The following ZCCHC2 variants were observed in gnomAD, a reference collection of about 807,000 sequenced individuals.
ZCCHC2 encodes the protein zinc finger CCHC domain-containing protein 2.
ZCCHC2 carries 39 observed loss-of-function variants against 103.6 expected under a neutral mutation model. The ratio of observed to expected loss-of-function variants is 0.38; its 90% CI spans 0.29 to 0.49. The LOEUF (loss-of-function observed/expected upper bound fraction) is 0.49, where lower values mean the gene tolerates loss of function less well. Among genes scored for constraint, ZCCHC2 ranks in the 20% least tolerant of loss-of-function variants. The pLI, the probability that ZCCHC2 is intolerant of heterozygous loss-of-function variation, is 0.96. For synonymous variants in ZCCHC2, 687 were observed against 608.9 expected (o/e 1.13, Z -1.89); for missense variants, 1,483 against 1,491.0 (o/e 0.99, Z 0.09).
chr18:62,565,854 A>T (rs1916341353), intron 11 of ZCCHC2, among the ~76,000 whole-genome samples: 1 of 152,206 alleles, frequency 6.6e-6, no homozygotes, highest in African/African-American at 2.4e-5. Flanking sequence ...AATAACCAGA[A>T]TCTATTTCTT....
intron 1 of ZCCHC2, among the ~76,000 whole-genome samples, chr18:62,531,791 TAAAA>T (rs11315078): frequency 3.5e-5 from 4 of 113,468 alleles, no homozygotes; most frequent in East Asian, 2.5e-4. Flanking sequence ...CTACAAAAAG[TAAAA>T]AAAAAAAAAA....
rs1171352779 is a variant in ZCCHC2, at chr18:62,523,301, G to T, written c.-124G>T. ...CGGCCGAGACCCGCCCCCGGCCCCG[G>T]CCCTCCCCCGGCGGCATGGAGGGGC... On this transcript the variant is annotated 5_prime_UTR_variant, in exon 1 of 14. Transcript: ENST00000269499. 1 of 910,066 alleles carries T rather than the reference G, an allele frequency of 1.1e-6. No individual in the cohort carries two copies. Among genetic ancestry groups the T allele is most frequent in the Non-Finnish European group, 1.3e-6 (1 of 762,984 alleles). 56.4% of individuals were successfully genotyped at this position (910,066 alleles called of 1,614,324 possible).
chr18:62,553,785 T>G (rs1915767418), intron 5 of ZCCHC2, among the ~76,000 whole-genome samples: 2 of 152,362 alleles, frequency 1.3e-5, no homozygotes, highest in East Asian at 1.9e-4. Context: ...AGTTTGTGTT[T>G]GAGTAGGCTT....
chr18:62,536,098 C>G (rs1393481077), intron 1 of ZCCHC2, among the ~76,000 whole-genome samples: 2 of 152,176 alleles, frequency 1.3e-5, no homozygotes, highest in Non-Finnish European at 2.9e-5. Flanking sequence ...GGATGTCCAG[C>G]TACTTGGCTG....
intron 2 of ZCCHC2, among the ~76,000 whole-genome samples, chr18:62,541,011 A>G (rs1915149011): frequency 6.6e-6 from 1 of 152,084 alleles, no homozygotes; most frequent in African/African-American, 2.4e-5. Context: ...AAGATCCCCT[A>G]CCCTTGAGGG....
intron 12 of ZCCHC2, 48 bp from the exon 13 acceptor site, chr18:62,573,992 TATTTCTAGCAAGAAAGA>T: frequency 6.1e-6 from 9 of 1,485,672 alleles, no homozygotes; most frequent in Non-Finnish European, 8.2e-6. Context: ...ACTCAATGTT[TATTTCTAGCAAGAAAGA>T]TGGGAGTTAT....
At chr18:62,531,144 T>C (rs975223484) in intron 1 of ZCCHC2, among the ~76,000 whole-genome samples, 2 of 152,224 alleles carry the variant, frequency 1.3e-5, no homozygotes, top group South Asian at 2.1e-4. Flanking sequence ...TTTTTCGTTA[T>C]GGAGGACTGT....
At position 62,523,534 on chromosome 18, in the gene ZCCHC2, GCCGCCGCGACTGCCGCCCC is replaced by G. The variant is rs1164099176; in HGVS notation, c.118_136del (p.Asp40ArgfsTer235). 3.2e-6 allele frequency: 3 copies of G among 949,630 alleles called. No homozygotes were observed. Among genetic ancestry groups the G allele is most frequent in the Non-Finnish European group, 2.5e-6 (2 of 812,014 alleles). The allele number at this position is 949,630 out of a possible 1,614,324, so 58.8% of individuals were successfully genotyped here. ...CCGGGCGCGAAGGCGCCTTCGCGCC[GCCGCCGCGACTGCCGCCCC>G]CCGCCGCCGCCGCCGCCGCCCGCGG... On this transcript the variant is annotated frameshift_variant, in exon 1 of 14. Coordinates refer to ENST00000269499, the MANE Select transcript of ZCCHC2 (RefSeq NM_017742.6). LOFTEE classifies it high-confidence loss of function.
Position 62,524,337 on chromosome 18 carries a change from T to C in ZCCHC2, c.913T>C (p.Cys305Arg). The change falls in exon 1 of 14, where the codon TGC becomes CGC. Residue 305 changes from cysteine (C) to arginine (R), a missense_variant. Physicochemically the swap from Cys to Arg is radical, Grantham distance 180. Coordinates refer to ENST00000269499, the MANE Select transcript of ZCCHC2 (RefSeq NM_017742.6). The part of the protein sequence containing the change: ...PEDAEVEVEP[C>R]KFAGPRAQNN... ...GGACGCGGAGGTGGAGGTAGAGCCGTGCAAGTTTGCCGGCCCCAGGGCCCA... is the reference window on the plus strand; with the variant it reads ...GGACGCGGAGGTGGAGGTAGAGCCGCGCAAGTTTGCCGGCCCCAGGGCCCA... 6.5e-7 allele frequency: 1 copy of C among 1,535,508 alleles called. No individual in the cohort carries two copies. Among genetic ancestry groups the C allele is most frequent in the Non-Finnish European group, 8.8e-7 (1 of 1,141,160 alleles).
At chr18:62,560,486 C>A in intron 7 of ZCCHC2, 101 bp from the exon 8 acceptor site, 1 of 888,966 alleles carries the variant, frequency 1.1e-6, no homozygotes, top group Non-Finnish European at 1.8e-6. Flanking sequence ...TGCTTCATAC[C>A]ATCTGTCACC....
intron 1 of ZCCHC2, among the ~76,000 whole-genome samples, chr18:62,533,443 TGA>T (rs1443586114): frequency 3.9e-5 from 6 of 151,924 alleles, no homozygotes; most frequent in African/African-American, 7.3e-5. Context: ...CAGAATCACT[TGA>T]ACCCGGGAGG....
At chr18:62,534,293 CAG>C (rs1255329907) in intron 1 of ZCCHC2, among the ~76,000 whole-genome samples, 9 of 141,454 alleles carry the variant, frequency 6.4e-5, no homozygotes, top group Non-Finnish European at 1.2e-4. Context: ...GCCTGGGAGA[CAG>C]AGGGAGATCC....
intron 3 of ZCCHC2, 60 bp from the exon 4 acceptor site, chr18:62,544,742 T>C: frequency 1.4e-6 from 2 of 1,449,192 alleles, no homozygotes; most frequent in Non-Finnish European, 1.9e-6. Context: ...ACATGGCTTT[T>C]TTCTAGCCGG....
Position 62,531,696 on chromosome 18 carries a change from C to T in ZCCHC2, c.939+7333C>T, listed in dbSNP as rs1914680235. Among the ~76,000 whole-genome samples, 6 of 150,486 alleles carry T rather than the reference C, an allele frequency of 4.0e-5. No homozygotes were observed. In the Admixed American group the frequency reaches 4.0e-4, roughly 10 times the overall value. On this transcript the variant is annotated intron_variant, in intron 1 of 13. Coordinates refer to ENST00000269499, the MANE Select transcript of ZCCHC2 (RefSeq NM_017742.6). ...GTGCGGTGGCTCACGCCTGTAATCT[C>T]AACAGTTTGGGAGGCTGAGGCAGAG...
chr18:62,533,692 C>T (rs966549511), intron 1 of ZCCHC2, among the ~76,000 whole-genome samples: 1 of 151,842 alleles, frequency 6.6e-6, no homozygotes, highest in Middle Eastern at 3.4e-3. Flanking sequence ...CATAGTGAAA[C>T]CCTGTCTCTG....
chr18:62,573,969 T>C lies in ZCCHC2; in HGVS notation c.1976-88T>C, dbSNP rs572528166. 126 of 1,328,528 alleles carry C rather than the reference T, an allele frequency of 9.5e-5. 1 individual carries two copies. In the African/African-American group the frequency reaches 1.7e-3, roughly 18 times the overall value. The allele number at this position is 1,328,528 out of a possible 1,614,324, so 82.3% of individuals were successfully genotyped here. ...AGAGGGACACTTTCCAAACTTGAGT[T>C]ACTTTGAGGTATACTCAATGTTTAT... On this transcript the variant is annotated intron_variant, in intron 12 of 13. Transcript: ENST00000269499.
intron 1 of ZCCHC2, among the ~76,000 whole-genome samples, chr18:62,534,688 G>C (rs576487067): frequency 6.6e-6 from 1 of 152,186 alleles, no homozygotes; most frequent in East Asian, 1.9e-4. Flanking sequence ...TTTGTCTTGG[G>C]TATCAAATGA....
At chr18:62,563,282 C>T (rs1916205676) in intron 9 of ZCCHC2, 138 bp downstream of exon 9, 2 of 1,025,464 alleles carry the variant, frequency 2.0e-6, no homozygotes, top group Non-Finnish European at 2.8e-6. Context: ...AGACTTTATA[C>T]TTATATATGA....
At chr18:62,556,103 G>A (rs1322099280) in intron 5 of ZCCHC2, 100 bp from the exon 6 acceptor site, 3 of 842,210 alleles carry the variant, frequency 3.6e-6, no homozygotes, top group African/African-American at 1.7e-5. Context: ...TTCCATACCT[G>A]AATTAAACTG....
Sources: allele counts gnomAD v4.1 joint callset (sites outside exome capture counted in the v4.1 genomes callset), GRCh38; gene constraint gnomAD v4.1.1; transcripts MANE v1.5; gene names NCBI Gene and HGNC (gene_info 2026-07-23, HGNC 2026-07-21).